PRKAR2B: variants seen among roughly 807,000 people sequenced by gnomAD.
PRKAR2B encodes protein kinase cAMP-dependent type II regulatory subunit beta.
PRKAR2B carries 14 observed loss-of-function variants against 49.9 expected under a neutral mutation model. That is an observed-to-expected ratio of 0.28 (90% CI 0.19 to 0.44). The LOEUF (loss-of-function observed/expected upper bound fraction) is 0.44, where lower values mean the gene tolerates loss of function less well. PRKAR2B is among the 20% of genes least tolerant of loss of function. The probability of loss-of-function intolerance (pLI) is 1.00; values close to 1 mark genes in which losing one functional copy is unlikely to be tolerated. For synonymous variants in PRKAR2B, 196 were observed against 197.7 expected, an observed-to-expected ratio of 0.99 and a Z score of 0.07; for missense variants, 393 against 537.9, an observed-to-expected ratio of 0.73 and a Z score of 2.67.
chr7:107,083,909 C>A lies in PRKAR2B; in HGVS notation c.343+13593C>A, dbSNP rs148739705. ...TACAGGCGTGAGCCACCACGTCTGG[C>A]CAAACCTAGTTTTTAGCTATTTTAT... On this transcript the variant is annotated intron_variant, in intron 2 of 10. Transcript: ENST00000265717. 4.4e-3 allele frequency among the ~76,000 whole-genome samples: 669 copies of A among 152,284 alleles called. 6 individuals carry two copies. The highest frequency in any genetic ancestry group is 0.021 in the Middle Eastern group (6 of 292).
Position 107,046,866 on chromosome 7 carries a change from A to C in PRKAR2B, c.307+1652A>C, listed in dbSNP as rs535195517. The stretch of plus-strand genomic sequence containing the variant: ...TATATATTCTGTATGATATGTTGTT[A>C]ATATAATCAAAATATTTTGTTTGTA... On this transcript the variant is annotated intron_variant, in intron 1 of 10. Transcript: ENST00000265717. Among the ~76,000 whole-genome samples, 341 of 152,202 alleles carry C rather than the reference A, an allele frequency of 2.2e-3. 2 individuals carry two copies. The highest frequency in any genetic ancestry group is 7.9e-3 in the African/African-American group (326 of 41,478).
chr7:107,158,233 T>TAAAGGTGAGTGAGTGAAAGTCTATTACAG (rs1796132838), intron 10 of PRKAR2B, among the ~76,000 whole-genome samples: 3 of 151,812 alleles, frequency 2.0e-5, no homozygotes, highest in Non-Finnish European at 4.4e-5. Context: ...TCTATTACAG[T>TAAAGGTGAGTGAGTGAAAGTCTATTACAG]AAAGGTGAGT....
chr7:107,152,698 C>A (rs1796011627), intron 7 of PRKAR2B, among the ~76,000 whole-genome samples: 1 of 152,218 alleles, frequency 6.6e-6, no homozygotes. Flanking sequence ...TTGAATGTCT[C>A]TGTTGGATTA....
chr7:107,089,638 A>C (rs1012600011), intron 2 of PRKAR2B, among the ~76,000 whole-genome samples: 1 of 152,236 alleles, frequency 6.6e-6, no homozygotes, highest in African/African-American at 2.4e-5. Flanking sequence ...CAATAAAGCT[A>C]TTTATAAAGA....
chr7:107,096,953 G>A (rs1400590657), intron 2 of PRKAR2B, among the ~76,000 whole-genome samples: 1 of 152,210 alleles, frequency 6.6e-6, no homozygotes, highest in East Asian at 1.9e-4. Flanking sequence ...TTTGCATTAA[G>A]TGTGATGTGG....
chr7:107,143,137 G>A (rs1238914186), intron 5 of PRKAR2B, among the ~76,000 whole-genome samples: 3 of 152,120 alleles, frequency 2.0e-5, no homozygotes, highest in Admixed American at 2.0e-4. Context: ...ACTTCTCCTC[G>A]GCACATTTGG....
chr7:107,064,395 G>A (rs1794090866), intron 1 of PRKAR2B, among the ~76,000 whole-genome samples: 1 of 152,172 alleles, frequency 6.6e-6, no homozygotes, highest in African/African-American at 2.4e-5. Context: ...AGCAGAAGGA[G>A]CATCGATATT....
At chr7:107,058,860 A>AT (rs989302338) in intron 1 of PRKAR2B, among the ~76,000 whole-genome samples, 7 of 152,040 alleles carry the variant, frequency 4.6e-5, no homozygotes, top group Admixed American at 4.6e-4. Context: ...GTAGAGCAGA[A>AT]TTTTTTTTCT....
At chr7:107,063,203 A>G (rs1274722737) in intron 1 of PRKAR2B, among the ~76,000 whole-genome samples, 1 of 152,084 alleles carries the variant, frequency 6.6e-6, no homozygotes, top group African/African-American at 2.4e-5. Context: ...GGGTTTTACC[A>G]TGTTGGCCAG....
intron 10 of PRKAR2B, among the ~76,000 whole-genome samples, chr7:107,158,310 A>C (rs1481610387): frequency 6.7e-6 from 1 of 149,790 alleles, no homozygotes; most frequent in Non-Finnish European, 1.5e-5. Flanking sequence ...TTTCAATAAT[A>C]GATTATTATA....
intron 10 of PRKAR2B, among the ~76,000 whole-genome samples, chr7:107,158,128 A>G (rs1188536220): frequency 6.6e-6 from 1 of 152,194 alleles, no homozygotes; most frequent in Non-Finnish European, 1.5e-5. Flanking sequence ...GACGATTAGA[A>G]ACTGGCAGGT....
chr7:107,097,015 G>A (rs1300864429), intron 2 of PRKAR2B, among the ~76,000 whole-genome samples: 1 of 152,214 alleles, frequency 6.6e-6, no homozygotes, highest in Non-Finnish European at 1.5e-5. Context: ...TTCTGTAGAT[G>A]TCTACTAGGT....
rs1038969807 is a variant in PRKAR2B at position 107,093,637 on chromosome 7, A to G, written c.343+23321A>G. On this transcript the variant is annotated intron_variant, in intron 2 of 10. Coordinates refer to ENST00000265717, the MANE Select transcript of PRKAR2B (RefSeq NM_002736.3). Reference sequence around the variant, plus strand: ...TTAACTCATCATTTACATTAGGTATATCTCCTAATGCTATCTCTCGCCCCT... The same window carrying G: ...TTAACTCATCATTTACATTAGGTATGTCTCCTAATGCTATCTCTCGCCCCT... Among the ~76,000 whole-genome samples, 6 of 149,894 alleles carry G rather than the reference A, an allele frequency of 4.0e-5. No individual in the cohort carries two copies. In the East Asian group the frequency reaches 8.0e-4, roughly 20 times the overall value.
chr7:107,151,828 A>G (rs1010766575), intron 7 of PRKAR2B, among the ~76,000 whole-genome samples: 1 of 152,154 alleles, frequency 6.6e-6, no homozygotes, highest in Non-Finnish European at 1.5e-5. Flanking sequence ...TCAAAATTAG[A>G]AGTATAGTTT....
intron 8 of PRKAR2B, among the ~76,000 whole-genome samples, chr7:107,155,759 T>C (rs1796071659): frequency 6.6e-6 from 1 of 152,190 alleles, no homozygotes; most frequent in South Asian, 2.1e-4. Flanking sequence ...TTACTGGGTA[T>C]ATACCCAAAG....
intron 5 of PRKAR2B, among the ~76,000 whole-genome samples, chr7:107,142,791 C>G (rs962012987): frequency 1.3e-5 from 2 of 151,408 alleles, no homozygotes; most frequent in Non-Finnish European, 2.9e-5. Flanking sequence ...TTTAAACAGT[C>G]TTGCTCTGTT....
chr7:107,090,400 A>G (rs140028823), intron 2 of PRKAR2B, among the ~76,000 whole-genome samples: 16 of 152,288 alleles, frequency 1.1e-4, no homozygotes, highest in African/African-American at 3.8e-4. Flanking sequence ...AAAGCATTCT[A>G]ATTAGCCCAG....
chr7:107,094,519 G>A (rs1173817690), intron 2 of PRKAR2B, among the ~76,000 whole-genome samples: 1 of 151,980 alleles, frequency 6.6e-6, no homozygotes, highest in Non-Finnish European at 1.5e-5. Flanking sequence ...TACTTAGATG[G>A]CACTTGTTTG....
At chr7:107,138,394 A>G (rs1041139538) in intron 4 of PRKAR2B, among the ~76,000 whole-genome samples, 2 of 152,180 alleles carry the variant, frequency 1.3e-5, no homozygotes, top group Non-Finnish European at 2.9e-5. Context: ...TATGAGCTTA[A>G]AACTGCTCTA....
Sources: gnomAD v4.1 joint callset for allele counts (sites outside exome capture counted in the v4.1 genomes callset) on GRCh38, gnomAD v4.1.1 for gene constraint, MANE v1.5 for transcripts, NCBI Gene and HGNC (gene_info 2026-07-23, HGNC 2026-07-21) for gene names.